Variants in SLC9A1 observed in about 807,000 individuals in gnomAD.
SLC9A1 encodes solute carrier family 9 member A1, also known as sodium/hydrogen exchanger 1.
Under a neutral mutation model 67.9 loss-of-function variants are expected in SLC9A1, and 22 were observed. The observed-to-expected ratio is 0.32, with a 90% CI of 0.23 to 0.46. The LOEUF is 0.46. Among genes scored for constraint, SLC9A1 ranks in the 20% least tolerant of loss-of-function variants. The probability of loss-of-function intolerance (pLI) is 1.00; values close to 1 mark genes in which losing one functional copy is unlikely to be tolerated. For missense variants in SLC9A1, 686 were observed against 1,094.8 expected (o/e 0.63, Z 5.27); for synonymous variants, 421 against 471.8 (o/e 0.89, Z 1.40).
chr1:27,109,507 C>T lies in SLC9A1; in HGVS notation c.1064+20G>A, dbSNP rs780666549. 1.2e-6 allele frequency: 2 copies of T among 1,610,420 alleles called. No homozygotes were observed. Among genetic ancestry groups the T allele is most frequent in the Non-Finnish European group, 1.7e-6 (2 of 1,179,138 alleles). ...CGCCCCCACCCCGCCAAGCCCACTG[C>T]CTGCTGCACGCAGACTCACGCCATG... On this transcript the variant is annotated intron_variant, in intron 3 of 11. Coordinates refer to ENST00000263980, the MANE Select transcript of SLC9A1 (RefSeq NM_003047.5). The surrounding 1 kb of genome is among the most constrained non-coding windows in gnomAD (Gnocchi z 5.5).
chr1:27,154,156 A>G lies in SLC9A1; in HGVS notation c.179T>C (p.Val60Ala). 6.2e-7 allele frequency: 1 copy of G among 1,614,134 alleles called. No homozygotes were observed. The highest frequency in any genetic ancestry group is 1.3e-5 in the African/African-American group (1 of 75,034). The change falls in exon 1 of 12, where the codon GTC (valine) becomes GCC (alanine). Residue 60 changes from valine to alanine, a missense_variant. Transcript: ENST00000263980. ...EPPRERSIGD[V>A]TTAPPEVTPE... Reference sequence around the variant, plus strand: ...GGTGACCTCCGGTGGAGCGGTGGTGACATCCCCAATCGAGCGTTCTCGTGG... The same window carrying G: ...GGTGACCTCCGGTGGAGCGGTGGTGGCATCCCCAATCGAGCGTTCTCGTGG...
intron 1 of SLC9A1, among the ~76,000 whole-genome samples, chr1:27,116,079 G>A (rs1237895549): frequency 2.0e-5 from 3 of 152,138 alleles, no homozygotes; most frequent in African/African-American, 7.2e-5. Flanking sequence ...CACACTGCTG[G>A]CTGGGCACGG....
intron 1 of SLC9A1, among the ~76,000 whole-genome samples, chr1:27,147,968 T>G (rs936431034): frequency 6.6e-6 from 1 of 151,558 alleles, no homozygotes; most frequent in African/African-American, 2.4e-5. Flanking sequence ...CACTCCAGCC[T>G]GGGCAAAAAG....
chr1:27,102,203 G>T, intron 8 of SLC9A1, 73 bp from the exon 9 acceptor site: 6 of 1,433,106 alleles, frequency 4.2e-6, no homozygotes, highest in Non-Finnish European at 5.9e-6. Context: ...TGGCCAGAAG[G>T]AAGTCACCCT....
intron 1 of SLC9A1, among the ~76,000 whole-genome samples, chr1:27,141,575 A>C (rs945168879): frequency 1.3e-5 from 2 of 152,238 alleles, no homozygotes; most frequent in Non-Finnish European, 2.9e-5. Context: ...TCTGCACTTC[A>C]AATCACACCC....
In SLC9A1 at chr1:27,100,745, G is replaced by C; in HGVS notation, c.2111-101C>G. 1 of 938,036 alleles carries C rather than the reference G, an allele frequency of 1.1e-6. No homozygotes were observed. The highest frequency in any genetic ancestry group is 1.6e-6 in the Non-Finnish European group (1 of 616,328). 58.1% of individuals were successfully genotyped at this position (938,036 alleles called of 1,614,324 possible). On this transcript the variant is annotated intron_variant, in intron 11 of 11. Coordinates refer to ENST00000263980, the MANE Select transcript of SLC9A1 (RefSeq NM_003047.5). The surrounding 1 kb of genome is among the most constrained non-coding windows in gnomAD (Gnocchi z 5.6). ...GTGCCTCCTTCAGGCCTTCTCATGA[G>C]CACAGCCGTCCCGGTCCCAACAGGC...
rs758985447 is a variant in SLC9A1, at chr1:27,109,504, C to T, written c.1064+23G>A. 1.3e-5 allele frequency: 21 copies of T among 1,609,772 alleles called. No individual in the cohort carries two copies. In the East Asian group the frequency reaches 3.8e-4, roughly 29 times the overall value. ...CCCCGCCCCCACCCCGCCAAGCCCACTGCCTGCTGCACGCAGACTCACGCC... is the reference window on the plus strand; with the variant it reads ...CCCCGCCCCCACCCCGCCAAGCCCATTGCCTGCTGCACGCAGACTCACGCC... On this transcript the variant is annotated intron_variant, in intron 3 of 11. Coordinates refer to ENST00000263980, the MANE Select transcript of SLC9A1 (RefSeq NM_003047.5). The surrounding 1 kb of genome is among the most constrained non-coding windows in gnomAD (Gnocchi z 5.5).
intron 1 of SLC9A1, among the ~76,000 whole-genome samples, chr1:27,120,971 T>C (rs1336289648): frequency 6.6e-6 from 1 of 152,114 alleles, no homozygotes; most frequent in Non-Finnish European, 1.5e-5. Context: ...AACTGCTAGT[T>C]CTTTGGGCCA....
rs776966418 is a variant in SLC9A1 at position 27,101,538 on chromosome 1, C to T, written c.2037+187G>A. Reference sequence around the variant, plus strand: ...TCTGTCCCCTGCCACTGCCCTAACCCAGGCCATGCCCCACAACCCCACGCC... The same window carrying T: ...TCTGTCCCCTGCCACTGCCCTAACCTAGGCCATGCCCCACAACCCCACGCC... On this transcript the variant is annotated intron_variant, in intron 10 of 11. Coordinates refer to ENST00000263980, the MANE Select transcript of SLC9A1 (RefSeq NM_003047.5). This position sits in a 1 kb window ranked among gnomAD's most constrained non-coding sequence, Gnocchi z 4.9. 6.6e-5 allele frequency among the ~76,000 whole-genome samples: 10 copies of T among 152,200 alleles called. No homozygotes were observed. Among genetic ancestry groups the T allele is most frequent in the Admixed American group, 1.3e-4 (2 of 15,276 alleles).
At chr1:27,107,917 G>C (rs748144527) in intron 3 of SLC9A1, 52 bp from the exon 4 acceptor site, 1 of 1,377,192 alleles carries the variant, frequency 7.3e-7, no homozygotes, top group Non-Finnish European at 1.0e-6. Context: ...GCACCTGCTC[G>C]AGCCCCTCCA....
At chr1:27,152,980 C>T (rs2083539826) in intron 1 of SLC9A1, among the ~76,000 whole-genome samples, 2 of 152,202 alleles carry the variant, frequency 1.3e-5, no homozygotes, top group Non-Finnish European at 2.9e-5. Context: ...CAAAGTCCCC[C>T]TGAACACCAC....
intron 1 of SLC9A1, among the ~76,000 whole-genome samples, chr1:27,134,384 A>G (rs1215750857): frequency 6.6e-6 from 1 of 152,186 alleles, no homozygotes; most frequent in African/African-American, 2.4e-5. Flanking sequence ...AGCACACATC[A>G]CTTTTCATTT....
chr1:27,113,934 C>A lies in SLC9A1; in HGVS notation c.705G>T (p.Ser235=). The A allele has an allele frequency of 6.2e-7, 1 of 1,614,186 alleles. No homozygotes were observed. ...CCAGAACCGCCACGGGGTCCACGGC[C>A]GAGATGATGCTGCCGAAGAGCAGGT... The part of the protein sequence containing the change: ...LDNLLFGSII[S]AVDPVAVLAV... The change falls in exon 2 of 12, where the codon TCG becomes TCT. Residue 235 remains serine, a synonymous_variant. Transcript: ENST00000263980.
chr1:27,124,448 C>T (rs1292156479), intron 1 of SLC9A1, among the ~76,000 whole-genome samples: 1 of 152,204 alleles, frequency 6.6e-6, no homozygotes, highest in Non-Finnish European at 1.5e-5. Context: ...GAAATCTCAT[C>T]CTACTTGGCT....
chr1:27,105,923 C>CA lies in SLC9A1; in HGVS notation c.1446dup (p.Ala483CysfsTer72), dbSNP rs781759358. The CA allele has an allele frequency of 6.2e-7, 1 of 1,613,636 alleles. No individual in the cohort carries two copies. The highest frequency in any genetic ancestry group is 1.7e-5 in the Admixed American group (1 of 60,022). On this transcript the variant is annotated frameshift_variant, in exon 5 of 12. Coordinates refer to ENST00000263980, the MANE Select transcript of SLC9A1 (RefSeq NM_003047.5). LOFTEE classifies it high-confidence loss of function. ...GTGAAGAAGATGACAGTGATGATGG[C>CA]AGTGAGGAACAGGTCACACATGGGG...
At chr1:27,112,359 T>C (rs1557741523) in intron 2 of SLC9A1, among the ~76,000 whole-genome samples, 3 of 152,188 alleles carry the variant, frequency 2.0e-5, no homozygotes, top group Admixed American at 6.5e-5. Context: ...GAGGGAGTCA[T>C]GGCCTGGGAA....
chr1:27,152,894 A>G (rs1438860804), intron 1 of SLC9A1, among the ~76,000 whole-genome samples: 1 of 152,186 alleles, frequency 6.6e-6, no homozygotes, highest in Non-Finnish European at 1.5e-5. Flanking sequence ...TCTCAGGCAG[A>G]GGGGACAGCA....
chr1:27,146,286 C>G (rs748965151), intron 1 of SLC9A1, among the ~76,000 whole-genome samples: 3 of 152,164 alleles, frequency 2.0e-5, no homozygotes, highest in Non-Finnish European at 2.9e-5. Context: ...GCCCCCAGCT[C>G]TAGTTCCCCG....
chr1:27,143,664 A>G (rs145423021), intron 1 of SLC9A1, among the ~76,000 whole-genome samples: 1 of 152,328 alleles, frequency 6.6e-6, no homozygotes, highest in Non-Finnish European at 1.5e-5. Context: ...AGCCCCAGAG[A>G]GCCCTTCAAG....
Sources: gnomAD v4.1 joint callset for allele counts (sites outside exome capture counted in the v4.1 genomes callset) on GRCh38, gnomAD v4.1.1 for gene constraint, Gnocchi (gnomAD v3.1) non-coding constraint, MANE v1.5 for transcripts, NCBI Gene and HGNC (gene_info 2026-07-23, HGNC 2026-07-21) for gene names.